LIN7B: variants seen among roughly 807,000 people sequenced by gnomAD.
LIN7B encodes the protein protein lin-7 homolog B.
In LIN7B, 16 loss-of-function variants were observed where a neutral mutation model predicts 27.9. That is an observed-to-expected ratio of 0.57 (90% CI 0.39 to 0.87). The LOEUF (loss-of-function observed/expected upper bound fraction) is 0.87. Ranked by LOEUF, LIN7B falls within the 40% of genes least tolerant of loss-of-function variation. LIN7B has a pLI of 0.00. For missense variants in LIN7B, 291 were observed against 288.5 expected (o/e 1.01, Z -0.06); for synonymous variants, 147 against 120.8 (o/e 1.22, Z -1.42).
At position 49,117,883 on chromosome 19, in the gene LIN7B, C is replaced by A. The variant is rs1017424407; in HGVS notation, c.467C>A (p.Ala156Glu). 2 of 1,612,376 alleles carry A rather than the reference C, an allele frequency of 1.2e-6. No homozygotes were observed. Among genetic ancestry groups the A allele is most frequent in the Non-Finnish European group, 1.7e-6 (2 of 1,179,546 alleles). ...VSVEGEQHEK[A>E]VELLKAAQGS... Reference sequence around the variant, plus strand: ...GTTGAGGGTGAGCAGCATGAGAAGGCGGTGGAGCTGCTGAAGGCGGCCCAG... The same window carrying A: ...GTTGAGGGTGAGCAGCATGAGAAGGAGGTGGAGCTGCTGAAGGCGGCCCAG... The change falls in exon 5 of 6, where the codon GCG (alanine) becomes GAG (glutamate). Residue 156 changes from alanine (A) to glutamate (E), a missense_variant. Coordinates refer to ENST00000221459, the MANE Select transcript of LIN7B (RefSeq NM_022165.3).
chr19:49,116,755 T>G (rs1237570108), intron 4 of LIN7B, among the ~76,000 whole-genome samples: 1 of 152,172 alleles, frequency 6.6e-6, no homozygotes, highest in African/African-American at 2.4e-5. Context: ...CAGGCCAGCA[T>G]AGATACAGGA....
chr19:49,116,553 A>T, intron 4 of LIN7B, 81 bp downstream of exon 4: 1 of 1,277,284 alleles, frequency 7.8e-7, no homozygotes, highest in South Asian at 1.4e-5. Flanking sequence ...TTCACTCAAC[A>T]CACACTGAGT....
At chr19:49,117,536 C>G (rs1020764013) in intron 4 of LIN7B, among the ~76,000 whole-genome samples, 2 of 152,150 alleles carry the variant, frequency 1.3e-5, no homozygotes, top group Admixed American at 1.3e-4. Context: ...AAGGCCTGAG[C>G]TGGCCCAGGG....
At chr19:49,117,778 A>G in intron 4 of LIN7B, 77 bp from the exon 5 acceptor site, 2 of 1,312,614 alleles carry the variant, frequency 1.5e-6, no homozygotes, top group African/African-American at 1.5e-5. Context: ...GCTCACTAGC[A>G]GTGGGTCCCA....
rs376119903 is a variant in LIN7B at position 49,117,847 on chromosome 19, C to T, written c.439-8C>T. 35 of 1,612,518 alleles carry T rather than the reference C, an allele frequency of 2.2e-5. No homozygotes were observed. In the African/African-American group the frequency reaches 3.7e-4, roughly 17 times the overall value. ...CCCAGGCTCAGCTGTCTGTGTTGGG[C>T]CCTGCAGAGCGTTGAGGGTGAGCAG... On this transcript the variant is annotated splice_region_variant and splice_polypyrimidine_tract_variant and intron_variant, in intron 4 of 5. Transcript: ENST00000221459.
chr19:49,115,846 G>A (rs13345567), intron 3 of LIN7B: 11,557 of 82,574 alleles, frequency 0.14, 674 homozygotes, highest in Admixed American at 0.22. Context: ...AAAAAAAAAA[G>A]AAAGAAAAAG....
intron 2 of LIN7B, 117 bp downstream of exon 2, chr19:49,115,084 T>TG: frequency 3.4e-6 from 3 of 890,874 alleles, no homozygotes; most frequent in Middle Eastern, 2.3e-4. Flanking sequence ...CGGCCCGCCT[T>TG]GGGGTGCCAA....
At chr19:49,114,706 C>T (rs2040795221) in intron 1 of LIN7B, 143 bp from the exon 2 acceptor site, 1 of 497,704 alleles carries the variant, frequency 2.0e-6, no homozygotes, top group South Asian at 4.4e-5. Context: ...CCTGCGCCAC[C>T]CTGGACTCTG....
At chr19:49,115,231 C>A in intron 2 of LIN7B, 29 bp from the exon 3 acceptor site, 1 of 1,542,846 alleles carries the variant, frequency 6.5e-7, no homozygotes, top group Non-Finnish European at 8.8e-7. Flanking sequence ...GAGCTGGCGA[C>A]TCCCTGATGC....
intron 1 of LIN7B, 76 bp from the exon 2 acceptor site, chr19:49,114,773 C>G (rs1311666883): frequency 6.3e-5 from 56 of 883,518 alleles, no homozygotes; most frequent in Non-Finnish European, 6.9e-5. Flanking sequence ...CGGCCTCACT[C>G]CGCCGCTCTC....
chr19:49,118,168 A>G, intron 5 of LIN7B, 150 bp downstream of exon 5: 1 of 1,404,548 alleles, frequency 7.1e-7, no homozygotes, highest in Non-Finnish European at 9.8e-7. Context: ...CTCTCACCCC[A>G]GGCTAGTTTG....
chr19:49,114,570 C>T (rs935890122), intron 1 of LIN7B, 129 bp downstream of exon 1: 7 of 727,722 alleles, frequency 9.6e-6, no homozygotes, highest in Non-Finnish European at 1.1e-5. Context: ...GCGGGGCGGG[C>T]GCCGGGGCCG....
Position 49,114,840 on chromosome 19 carries a change from G to T in LIN7B, c.38-9G>T. On this transcript the variant is annotated splice_polypyrimidine_tract_variant and intron_variant, in intron 1 of 5. Coordinates refer to ENST00000221459, the MANE Select transcript of LIN7B (RefSeq NM_022165.3). ...CTCGGGGTTTCTGCGCCCCGCCCCC[G>T]CCCCGCAGACGTGTCCCGGGCGGTT... 7.0e-7 allele frequency: 1 copy of T among 1,421,874 alleles called. No homozygotes were observed. Among genetic ancestry groups the T allele is most frequent in the Non-Finnish European group, 9.2e-7 (1 of 1,088,206 alleles). The allele number at this position is 1,421,874 out of a possible 1,614,324, so 88.1% of individuals were successfully genotyped here. A position where few individuals can be genotyped will look rare whatever the true frequency, so the allele number is the denominator to read the frequency against.
intron 1 of LIN7B, 23 bp from the exon 2 acceptor site, chr19:49,114,826 T>C (rs1286214659): frequency 4.3e-6 from 6 of 1,383,534 alleles, no homozygotes; most frequent in Non-Finnish European, 2.8e-6. Context: ...TCGGGGTTTC[T>C]GCGCCCCGCC....
intron 2 of LIN7B, 58 bp from the exon 3 acceptor site, chr19:49,115,202 C>G (rs2040805730): frequency 4.1e-6 from 6 of 1,480,152 alleles, no homozygotes; most frequent in Admixed American, 2.0e-5. Flanking sequence ...GGCCTGAACT[C>G]CTGCGTCTAG....
chr19:49,118,071 C>A, intron 5 of LIN7B, 53 bp downstream of exon 5: 1 of 1,601,162 alleles, frequency 6.2e-7, no homozygotes, highest in Non-Finnish European at 8.5e-7. Flanking sequence ...CCCTTTAACC[C>A]CAGGCTCCCA....
At position 49,115,437 on chromosome 19, in the gene LIN7B, A is replaced by G. The variant is rs754625146; in HGVS notation, c.228+106A>G. 25 of 1,017,836 alleles carry G rather than the reference A, an allele frequency of 2.5e-5. No homozygotes were observed. The Middle Eastern group carries it at 1.9e-3, about 76-fold the overall frequency. 63.1% of individuals were successfully genotyped at this position (1,017,836 alleles called of 1,614,324 possible). ...TGTTTCCTCCCTCATGATTTTTGCT[A>G]AATCTATGTGCCACCTTACTATTAG... On this transcript the variant is annotated intron_variant, in intron 3 of 5. Transcript: ENST00000221459.
chr19:49,114,488 T>G, intron 1 of LIN7B, 47 bp downstream of exon 1: 2 of 1,182,360 alleles, frequency 1.7e-6, no homozygotes, highest in Non-Finnish European at 2.1e-6. Context: ...GCGGCCTACA[T>G]ACCCAGCCCC....
In LIN7B at chr19:49,115,059, C is replaced by T. The variant is rs987140548; in HGVS notation, c.156+92C>T. The stretch of plus-strand genomic sequence containing the variant: ...TCCCGAGCCCGGAGACTACGCCTCC[C>T]GGCAGCTCCCGAGGCGGCCCGCCTT... On this transcript the variant is annotated intron_variant, in intron 2 of 5. Coordinates refer to ENST00000221459, the MANE Select transcript of LIN7B (RefSeq NM_022165.3). 14 of 971,520 alleles carry T rather than the reference C, an allele frequency of 1.4e-5. No individual in the cohort carries two copies. The African/African-American group carries it at 2.2e-4, about 15-fold the overall frequency. 60.2% of individuals were successfully genotyped at this position (971,520 alleles called of 1,614,324 possible).
Sources: gnomAD v4.1 joint callset for allele counts (sites outside exome capture counted in the v4.1 genomes callset) on GRCh38, gnomAD v4.1.1 for gene constraint, MANE v1.5 for transcripts, NCBI Gene and HGNC (gene_info 2026-07-23, HGNC 2026-07-21) for gene names.